The following CELF4 variants were observed in gnomAD, a reference collection of about 807,000 sequenced individuals.
The protein encoded by CELF4 is CUG-BP- and ETR-3-like factor 4.
Under a neutral mutation model 59.9 loss-of-function variants are expected in CELF4, and 18 were observed. The observed-to-expected ratio is 0.30, with a 90% CI of 0.21 to 0.45. CELF4 has a LOEUF of 0.45. Among genes scored for constraint, CELF4 ranks in the 20% least tolerant of loss-of-function variants. The probability of loss-of-function intolerance (pLI) is 1.00; values close to 1 mark genes in which losing one functional copy is unlikely to be tolerated. For synonymous variants in CELF4, 261 were observed against 267.1 expected, an observed-to-expected ratio of 0.98 and a Z score of 0.22; for missense variants, 456 against 689.0, an observed-to-expected ratio of 0.66 and a Z score of 3.79.
In CELF4 at chr18:37,376,386, T is replaced by C. The variant is rs1477034733; in HGVS notation, c.370-54505A>G. On this transcript the variant is annotated intron_variant, in intron 2 of 12. Transcript: ENST00000420428. ...GCCTGGCTTGGTGTTCTTCTCTCCCTAGCCGGGACACTGCAGCCCAGCCAG... is the reference window on the plus strand; with the variant it reads ...GCCTGGCTTGGTGTTCTTCTCTCCCCAGCCGGGACACTGCAGCCCAGCCAG... 2.0e-5 allele frequency among the ~76,000 whole-genome samples: 3 copies of C among 152,204 alleles called. No homozygotes were observed. The East Asian group carries it at 5.8e-4, about 29-fold the overall frequency.
At chr18:37,513,982 GTA>G (rs2099947663) in intron 1 of CELF4, among the ~76,000 whole-genome samples, 2 of 132,916 alleles carry the variant, frequency 1.5e-5, no homozygotes, top group Admixed American at 7.7e-5. Context: ...GTGTGTGTGT[GTA>G]TACCTTCTGA....
chr18:37,514,417 T>C (rs150098208), intron 1 of CELF4, among the ~76,000 whole-genome samples: 315 of 152,314 alleles, frequency 2.1e-3, no homozygotes, highest in Non-Finnish European at 3.3e-3. Context: ...CAGCAAACAC[T>C]TATTGAACAC....
chr18:37,423,547 C>T (rs928244643), intron 2 of CELF4, among the ~76,000 whole-genome samples: 1 of 152,136 alleles, frequency 6.6e-6, no homozygotes, highest in Non-Finnish European at 1.5e-5. Flanking sequence ...CCTCTCACTC[C>T]TCCCAGGTCC....
intron 2 of CELF4, among the ~76,000 whole-genome samples, chr18:37,477,052 A>T (rs1321429827): frequency 1.3e-5 from 2 of 152,220 alleles, no homozygotes; most frequent in African/African-American, 4.8e-5. Flanking sequence ...GGAATAGGAG[A>T]TGCCAGAATG....
chr18:37,362,701 G>A (rs986200717), intron 2 of CELF4, among the ~76,000 whole-genome samples: 19 of 152,168 alleles, frequency 1.2e-4, no homozygotes, highest in Non-Finnish European at 2.1e-4. Context: ...GCTGAACTCT[G>A]AACCTTCCTC....
chr18:37,363,102 C>G (rs2098731028), intron 2 of CELF4, among the ~76,000 whole-genome samples: 1 of 152,188 alleles, frequency 6.6e-6, no homozygotes, highest in Non-Finnish European at 1.5e-5. Flanking sequence ...ACCCCAGGAG[C>G]CTGGCTGAGC....
intron 1 of CELF4, among the ~76,000 whole-genome samples, chr18:37,559,623 A>T (rs1223371728): frequency 6.6e-6 from 1 of 152,024 alleles, no homozygotes; most frequent in Non-Finnish European, 1.5e-5. Context: ...CTTCTGGGTC[A>T]ATTTGGAAAC....
chr18:37,441,052 C>T (rs1473936508), intron 2 of CELF4, among the ~76,000 whole-genome samples: 1 of 152,226 alleles, frequency 6.6e-6, no homozygotes, highest in African/African-American at 2.4e-5. Context: ...GCTGCTGATA[C>T]CTAGACCGTT....
intron 2 of CELF4, among the ~76,000 whole-genome samples, chr18:37,451,834 C>T (rs2099764994): frequency 1.3e-5 from 2 of 152,242 alleles, no homozygotes; most frequent in South Asian, 4.1e-4. Flanking sequence ...CCCAGCCATC[C>T]ATCCAGTGGG....
At chr18:37,416,339 TC>T (rs2099528582) in intron 2 of CELF4, among the ~76,000 whole-genome samples, 2 of 152,060 alleles carry the variant, frequency 1.3e-5, no homozygotes, top group Non-Finnish European at 2.9e-5. Flanking sequence ...ATGCAGATCC[TC>T]CCCCTGTCAG....
chr18:37,540,707 G>A (rs2099977228), intron 1 of CELF4, among the ~76,000 whole-genome samples: 1 of 152,186 alleles, frequency 6.6e-6, no homozygotes, highest in African/African-American at 2.4e-5. Flanking sequence ...TGGCATCCTG[G>A]GAAAGATGCT....
At chr18:37,467,338 C>A (rs1490542684) in intron 2 of CELF4, among the ~76,000 whole-genome samples, 1 of 152,142 alleles carries the variant, frequency 6.6e-6, no homozygotes, top group Non-Finnish European at 1.5e-5. Context: ...GGGCAAGAGG[C>A]CATTTCTGGG....
At chr18:37,377,103 G>T (rs1005696075) in intron 2 of CELF4, among the ~76,000 whole-genome samples, 1 of 152,140 alleles carries the variant, frequency 6.6e-6, no homozygotes, top group African/African-American at 2.4e-5. Context: ...AAAGTGGAAA[G>T]AAATGGAGAA....
At chr18:37,363,708 T>A (rs2098739054) in intron 2 of CELF4, among the ~76,000 whole-genome samples, 1 of 152,246 alleles carries the variant, frequency 6.6e-6, no homozygotes, top group Admixed American at 6.5e-5. Flanking sequence ...GGCTTCTTCA[T>A]AACTGGGATG....
chr18:37,441,986 GAC>G (rs930595185), intron 2 of CELF4, among the ~76,000 whole-genome samples: 3 of 65,700 alleles, frequency 4.6e-5, no homozygotes, highest in African/African-American at 1.5e-4. Flanking sequence ...GAACCTAGAT[GAC>G]ACAGTGCGTC....
At chr18:37,355,292 T>C (rs1384724731) in intron 2 of CELF4, among the ~76,000 whole-genome samples, 4 of 152,228 alleles carry the variant, frequency 2.6e-5, no homozygotes, top group Non-Finnish European at 5.9e-5. Context: ...TGCCTGATTA[T>C]GTCCAGGAAT....
chr18:37,512,830 C>T (rs1471052477), intron 1 of CELF4, among the ~76,000 whole-genome samples: 15 of 151,852 alleles, frequency 9.9e-5, no homozygotes, highest in Non-Finnish European at 2.2e-4. Context: ...CTTCTTCCTC[C>T]TCTTCCTGTT....
chr18:37,331,870 T>C (rs937391236), intron 2 of CELF4, among the ~76,000 whole-genome samples: 2 of 149,958 alleles, frequency 1.3e-5, no homozygotes, highest in African/African-American at 4.9e-5. Flanking sequence ...CAGGTGGAGG[T>C]GGGGAGGATC....
chr18:37,284,056 C>T (rs376049972), intron 3 of CELF4, among the ~76,000 whole-genome samples: 2 of 68,696 alleles, frequency 2.9e-5, no homozygotes, highest in East Asian at 5.3e-4. Flanking sequence ...CACAAAGACA[C>T]ATACCCCAAC....
Sources: gnomAD v4.1 joint callset for allele counts (sites outside exome capture counted in the v4.1 genomes callset) on GRCh38, gnomAD v4.1.1 for gene constraint, MANE v1.5 for transcripts, NCBI Gene and HGNC (gene_info 2026-07-23, HGNC 2026-07-21) for gene names.